ELP4: variants seen among roughly 807,000 people sequenced by gnomAD.
ELP4 encodes elongator complex protein 4.
Under a neutral mutation model 48.9 loss-of-function variants are expected in ELP4, and 51 were observed. The observed-to-expected ratio is 1.04, with a 90% confidence interval of 0.83 to 1.32. The LOEUF is 1.32. Among genes scored for constraint, ELP4 ranks in the 40% most tolerant of loss-of-function variants. The pLI, the probability that ELP4 is intolerant of heterozygous loss-of-function variation, is 0.00. For missense variants in ELP4, 519 were observed against 514.6 expected (o/e 1.01, Z -0.08); for synonymous variants, 210 against 189.2 (o/e 1.11, Z -0.90).
intron 9 of ELP4, among the ~76,000 whole-genome samples, chr11:31,713,059 C>T (rs1469831325): frequency 1.3e-5 from 2 of 152,018 alleles, no homozygotes; most frequent in South Asian, 2.1e-4. Flanking sequence ...TGGGATTTTG[C>T]GGAAATTTGG....
At chr11:31,654,671 G>A (rs1289352426) in intron 9 of ELP4, 2 of 151,770 alleles carry the variant, frequency 1.3e-5, no homozygotes, top group Non-Finnish European at 2.9e-5. Context: ...ACAGGACAGG[G>A]GTGCTAGTAG....
At chr11:31,657,791 G>A (rs1945468815) in intron 9 of ELP4, among the ~76,000 whole-genome samples, 2 of 151,778 alleles carry the variant, frequency 1.3e-5, no homozygotes, top group African/African-American at 4.8e-5. Context: ...CAGATCTTCT[G>A]AAGTCATATG....
At chr11:31,640,726 T>C (rs1034653525) in intron 7 of ELP4, among the ~76,000 whole-genome samples, 1 of 152,100 alleles carries the variant, frequency 6.6e-6, no homozygotes, top group East Asian at 1.9e-4. Context: ...ACTAGCAAAT[T>C]GTACACTGTG....
chr11:31,699,559 C>A (rs761366628), intron 9 of ELP4, among the ~76,000 whole-genome samples: 2 of 152,066 alleles, frequency 1.3e-5, no homozygotes, highest in Non-Finnish European at 2.9e-5. Context: ...AGTTCATCAC[C>A]CATAGTTCAA....
intron 9 of ELP4, among the ~76,000 whole-genome samples, chr11:31,721,387 A>G (rs1946955083): frequency 6.6e-6 from 1 of 152,228 alleles, no homozygotes; most frequent in African/African-American, 2.4e-5. Context: ...AGAAAATTAT[A>G]AGATCATGTA....
chr11:31,533,135 T>G (rs767513952), intron 2 of ELP4, among the ~76,000 whole-genome samples: 19 of 152,116 alleles, frequency 1.2e-4, no homozygotes, highest in African/African-American at 4.6e-4. Context: ...CTTCTTCATG[T>G]TATCACCCAA....
intron 9 of ELP4, among the ~76,000 whole-genome samples, chr11:31,688,097 G>T (rs1014236611): frequency 3.9e-5 from 6 of 152,188 alleles, no homozygotes; most frequent in Non-Finnish European, 8.8e-5. Flanking sequence ...GGTTATTTAT[G>T]TTTTCACGCA....
At chr11:31,571,522 C>T (rs760859046) in intron 3 of ELP4, among the ~76,000 whole-genome samples, 1 of 152,174 alleles carries the variant, frequency 6.6e-6, no homozygotes, top group Admixed American at 6.5e-5. Context: ...GACCTCCTCT[C>T]GTGAATCATG....
intron 2 of ELP4, among the ~76,000 whole-genome samples, chr11:31,521,313 A>G (rs896523046): frequency 2.0e-5 from 3 of 151,872 alleles, no homozygotes; most frequent in African/African-American, 7.2e-5. Context: ...TAATACAACA[A>G]CCTCAGAAGA....
At chr11:31,698,754 C>A (rs746378057) in intron 9 of ELP4, among the ~76,000 whole-genome samples, 3 of 152,054 alleles carry the variant, frequency 2.0e-5, no homozygotes, top group Non-Finnish European at 4.4e-5. Flanking sequence ...CTACCTGATT[C>A]TCTGACCTCA....
intron 3 of ELP4, among the ~76,000 whole-genome samples, chr11:31,565,378 T>G (rs1957092911): frequency 6.6e-6 from 1 of 150,534 alleles, no homozygotes; most frequent in African/African-American, 2.5e-5. Context: ...TTTAGTTTAA[T>G]TAGATCCCAT....
intron 3 of ELP4, among the ~76,000 whole-genome samples, chr11:31,550,145 TAAAA>T (rs1424508254): frequency 1.3e-5 from 2 of 151,326 alleles, no homozygotes; most frequent in African/African-American, 4.9e-5. Context: ...AAAAAAAAAA[TAAAA>T]AATAATGCCA....
rs1396027227 is a variant in ELP4, at chr11:31,509,774, G to C, written c.-11G>C. 1 of 1,613,540 alleles carries C rather than the reference G, an allele frequency of 6.2e-7. No homozygotes were observed. The highest frequency in any genetic ancestry group is 8.5e-7 in the Non-Finnish European group (1 of 1,179,864). ...CAGAGTTCCTATTGGGTTAACACTGGAGGCTCTAAGATGGCGGCAGTGGCA... is the reference window on the plus strand; with the variant it reads ...CAGAGTTCCTATTGGGTTAACACTGCAGGCTCTAAGATGGCGGCAGTGGCA... On this transcript the variant is annotated 5_prime_UTR_variant, in exon 1 of 10. Transcript: ENST00000640961.
rs186769968 is a variant in ELP4 at position 31,785,637 on chromosome 11, G to T, written c.*2113G>T. ...GTGCTTTGTTTTTCTAATTCACTGG[G>T]CCGGCTTTGTAAAAATAAGCTACTG... On this transcript the variant is annotated 3_prime_UTR_variant, in exon 10 of 10. Transcript: ENST00000640961. The T allele has an allele frequency of 5.1e-6, 1 of 196,810 alleles. No individual in the cohort carries two copies. The highest frequency in any genetic ancestry group is 2.3e-5 in the African/African-American group (1 of 43,296). 12.2% of individuals were successfully genotyped at this position (196,810 alleles called of 1,614,324 possible).
chr11:31,535,620 A>G (rs1244194945), intron 2 of ELP4, among the ~76,000 whole-genome samples: 1 of 152,200 alleles, frequency 6.6e-6, no homozygotes, highest in Non-Finnish European at 1.5e-5. Flanking sequence ...CATGAGGATT[A>G]CAGAAGCGAG....
At chr11:31,589,800 T>G (rs1957538356) in intron 3 of ELP4, among the ~76,000 whole-genome samples, 1 of 152,190 alleles carries the variant, frequency 6.6e-6, no homozygotes, top group African/African-American at 2.4e-5. Context: ...CTTTGCCTTC[T>G]TACTTTGCTC....
At chr11:31,624,339 C>CTA (rs1367425597) in intron 5 of ELP4, among the ~76,000 whole-genome samples, 3 of 151,682 alleles carry the variant, frequency 2.0e-5, no homozygotes, top group African/African-American at 7.3e-5. Context: ...TGGGCCTAGC[C>CTA]TATAAACTTG....
At chr11:31,688,164 A>G (rs183379626) in intron 9 of ELP4, among the ~76,000 whole-genome samples, 12 of 152,334 alleles carry the variant, frequency 7.9e-5, no homozygotes, top group African/African-American at 2.9e-4. Flanking sequence ...GAAATTCATT[A>G]TTCCTAAAAT....
At chr11:31,647,631 G>C in intron 7 of ELP4, 110 bp from the exon 8 acceptor site, 1 of 659,912 alleles carries the variant, frequency 1.5e-6, no homozygotes, top group African/African-American at 1.8e-5. Flanking sequence ...TTTCACTGTT[G>C]ATAGTCTATC....
Sources: allele counts gnomAD v4.1 joint callset (sites outside exome capture counted in the v4.1 genomes callset), GRCh38; gene constraint gnomAD v4.1.1; transcripts MANE v1.5; gene names NCBI Gene and HGNC (gene_info 2026-07-23, HGNC 2026-07-21).